The following GRM8 variants were observed in gnomAD, a reference collection of about 807,000 sequenced individuals.
GRM8 encodes glutamate metabotropic receptor 8, also known as metabotropic glutamate receptor 8.
Under a neutral mutation model 87.2 loss-of-function variants are expected in GRM8, and 47 were observed. The observed-to-expected ratio is 0.54, with a 90% CI of 0.43 to 0.69. GRM8 has a LOEUF of 0.69. Ranked by LOEUF, GRM8 falls within the 30% of genes least tolerant of loss-of-function variation. The pLI is 0.00. For synonymous variants in GRM8, 396 were observed against 404.5 expected (o/e 0.98, Z 0.25); for missense variants, 1,019 against 1,139.2 (o/e 0.89, Z 1.52).
intron 2 of GRM8, among the ~76,000 whole-genome samples, chr7:127,193,579 G>C (rs994781744): frequency 2.6e-5 from 4 of 152,176 alleles, no homozygotes; most frequent in Non-Finnish European, 5.9e-5. Context: ...CATTTCAAGA[G>C]GCTTTGAGTC....
At chr7:126,457,923 TA>T (rs1400207137) in intron 9 of GRM8, among the ~76,000 whole-genome samples, 1 of 149,912 alleles carries the variant, frequency 6.7e-6, no homozygotes, top group African/African-American at 2.4e-5. Context: ...AAACAAGACA[TA>T]AATTACCAAT....
chr7:127,015,812 T>C (rs572537012), intron 3 of GRM8, among the ~76,000 whole-genome samples: 1 of 152,224 alleles, frequency 6.6e-6, no homozygotes, highest in South Asian at 2.1e-4. Context: ...AAGGTTGATG[T>C]ATAAAAAAGA....
chr7:126,454,731 G>T (rs1187826037), intron 9 of GRM8, among the ~76,000 whole-genome samples: 1 of 151,538 alleles, frequency 6.6e-6, no homozygotes, highest in Non-Finnish European at 1.5e-5. Flanking sequence ...ATAAGGAGAA[G>T]AAATTAGGAC....
intron 2 of GRM8, among the ~76,000 whole-genome samples, chr7:127,148,652 C>T (rs571170620): frequency 6.6e-6 from 1 of 151,970 alleles, no homozygotes; most frequent in Admixed American, 6.6e-5. Context: ...TGGTATGAAA[C>T]TAGAAATCAG....
chr7:126,469,081 T>C (rs1563039959), intron 9 of GRM8, among the ~76,000 whole-genome samples: 1 of 152,120 alleles, frequency 6.6e-6, no homozygotes, highest in Non-Finnish European at 1.5e-5. Flanking sequence ...AACACCCACT[T>C]GTGCATAAGT....
intron 6 of GRM8, among the ~76,000 whole-genome samples, chr7:126,801,948 T>C (rs1822754270): frequency 6.6e-6 from 1 of 152,308 alleles, no homozygotes; most frequent in East Asian, 1.9e-4. Flanking sequence ...AGTTGCCTAA[T>C]GGTTTATTTA....
chr7:126,642,264 T>C (rs28686827), intron 7 of GRM8, among the ~76,000 whole-genome samples: 46,645 of 151,902 alleles, frequency 0.31, 8,005 homozygotes, highest in East Asian at 0.43. Flanking sequence ...CTCATCCCTG[T>C]GTCACTTTCA....
chr7:126,527,225 G>A (rs1276431835), intron 9 of GRM8, among the ~76,000 whole-genome samples: 2 of 152,172 alleles, frequency 1.3e-5, no homozygotes, highest in East Asian at 3.9e-4. Context: ...GGGCATAGTG[G>A]TGCACATCTG....
chr7:126,697,894 A>G lies in GRM8; in HGVS notation c.1357+71971T>C, dbSNP rs1809547514. ...CTGCAATGGCTGGAACCCCAAGTTC[A>G]CTGAAATCTGCATCTTGAAGGAATT... is the stretch of plus-strand genomic sequence containing the variant. On this transcript the variant is annotated intron_variant, in intron 7 of 10. Transcript: ENST00000339582. 2.0e-5 allele frequency among the ~76,000 whole-genome samples: 3 copies of G among 152,222 alleles called. No homozygotes were observed. In the South Asian group the frequency reaches 6.2e-4, roughly 31 times the overall value.
chr7:126,645,758 G>A (rs535738316), intron 7 of GRM8, among the ~76,000 whole-genome samples: 10 of 152,262 alleles, frequency 6.6e-5, no homozygotes, highest in African/African-American at 2.4e-4. Context: ...ATGATCATTA[G>A]TATTCAAAAG....
At chr7:126,441,068 C>T (rs1014888661) in intron 10 of GRM8, among the ~76,000 whole-genome samples, 12 of 151,876 alleles carry the variant, frequency 7.9e-5, no homozygotes, top group African/African-American at 2.9e-4. Context: ...AGTCAAAGAC[C>T]TCAATTCTTA....
At chr7:127,152,346 A>G (rs1300295678) in intron 2 of GRM8, among the ~76,000 whole-genome samples, 2 of 152,140 alleles carry the variant, frequency 1.3e-5, no homozygotes, top group African/African-American at 4.8e-5. Context: ...TATGACATAC[A>G]GGATGATGGT....
intron 2 of GRM8, among the ~76,000 whole-genome samples, chr7:127,198,748 T>C (rs915330159): frequency 1.3e-5 from 2 of 151,806 alleles, no homozygotes; most frequent in African/African-American, 4.8e-5. Context: ...TGATCATAGC[T>C]CACTGTAACC....
intron 3 of GRM8, among the ~76,000 whole-genome samples, chr7:127,074,411 T>C (rs534047077): frequency 6.6e-6 from 1 of 152,288 alleles, no homozygotes; most frequent in African/African-American, 2.4e-5. Context: ...GGTCACAATA[T>C]GTGTACTGGA....
chr7:126,714,005 C>T (rs1811427233), intron 7 of GRM8, among the ~76,000 whole-genome samples: 1 of 151,458 alleles, frequency 6.6e-6, no homozygotes, highest in Admixed American at 6.6e-5. Flanking sequence ...GGCACGGTGG[C>T]TCACACCTGT....
chr7:127,042,577 T>C (rs1818526107), intron 3 of GRM8, among the ~76,000 whole-genome samples: 1 of 152,344 alleles, frequency 6.6e-6, no homozygotes, highest in East Asian at 1.9e-4. Flanking sequence ...AAGCTGAAAC[T>C]GGATCCCTTC....
chr7:126,439,203 T>C (rs779688494), intron 10 of GRM8, 35 bp from the exon 11 acceptor site: 8 of 1,090,378 alleles, frequency 7.3e-6, no homozygotes, highest in African/African-American at 1.5e-5. Flanking sequence ...TAAAATAGTA[T>C]ATAATAATAC....
chr7:126,764,984 T>G (rs1340725306), intron 7 of GRM8, among the ~76,000 whole-genome samples: 1 of 152,014 alleles, frequency 6.6e-6, no homozygotes, highest in East Asian at 1.9e-4. Context: ...AAATGTCACC[T>G]TTTTCTATAG....
intron 7 of GRM8, among the ~76,000 whole-genome samples, chr7:126,655,105 A>G (rs760336476): frequency 9.2e-5 from 14 of 152,246 alleles, no homozygotes; most frequent in Non-Finnish European, 1.6e-4. Flanking sequence ...TTTATTTTTC[A>G]GGAAGAAAAT....
Sources: gnomAD v4.1 joint callset for allele counts (sites outside exome capture counted in the v4.1 genomes callset) on GRCh38, gnomAD v4.1.1 for gene constraint, MANE v1.5 for transcripts, NCBI Gene and HGNC (gene_info 2026-07-23, HGNC 2026-07-21) for gene names.